PROSER1: variants seen among roughly 807,000 people sequenced by gnomAD.
PROSER1 encodes the protein proline and serine rich 1, also known as proline and serine-rich protein 1.
In PROSER1, 36 loss-of-function variants were observed where a neutral mutation model predicts 71.8. The observed-to-expected ratio is 0.50, with a 90% CI of 0.38 to 0.66. The LOEUF is 0.66. PROSER1 is among the 30% of genes least tolerant of loss of function. The pLI is 0.00. For missense variants in PROSER1, 1,107 were observed against 1,135.0 expected (o/e 0.98, Z 0.35); for synonymous variants, 490 against 452.4 (o/e 1.08, Z -1.06).
chr13:39,029,891 CTTATTTTAATTTAA>C (rs1392714946), intron 3 of PROSER1, among the ~76,000 whole-genome samples: 1 of 152,080 alleles, frequency 6.6e-6, no homozygotes, highest in Non-Finnish European at 1.5e-5. Flanking sequence ...AACTTTAAGT[CTTATTTTAATTTAA>C]TGTGCATTGT....
In PROSER1 at chr13:39,015,665, G is replaced by A. The variant is rs1162200180; in HGVS notation, c.776-1189C>T. Among the ~76,000 whole-genome samples the A allele has an allele frequency of 2.0e-5, 3 of 151,914 alleles. No homozygotes were observed. In the East Asian group the frequency reaches 5.8e-4, roughly 29 times the overall value. On this transcript the variant is annotated intron_variant, in intron 10 of 12. Coordinates refer to ENST00000352251, the MANE Select transcript of PROSER1 (RefSeq NM_025138.5). ...TGTGAAGGCCAAGGGGTGTCACATTGGGCTGAACAAATTTTGTAGTTGTTT... is the reference window on the plus strand; with the variant it reads ...TGTGAAGGCCAAGGGGTGTCACATTAGGCTGAACAAATTTTGTAGTTGTTT...
In PROSER1 at chr13:39,029,247, T is replaced by TAAA. The variant is rs34146778; in HGVS notation, c.275+31_275+33dup. The TAAA allele has an allele frequency of 3.4e-3, 2,525 of 742,182 alleles. 15 individuals carry two copies. The highest frequency in any genetic ancestry group is 0.011 in the African/African-American group (363 of 34,380). 46.0% of individuals were successfully genotyped at this position (742,182 alleles called of 1,614,324 possible). On this transcript the variant is annotated intron_variant, in intron 4 of 12. Coordinates refer to ENST00000352251, the MANE Select transcript of PROSER1 (RefSeq NM_025138.5). ...AAACGCTTCTACATTTTTTCCCAAG[T>TAAA]AAAAAAAAAAAAAAAAAAAAAAGAA...
In PROSER1 at chr13:39,025,039, T is replaced by A. The variant is rs867625702; in HGVS notation, c.481-483A>T. Among the ~76,000 whole-genome samples the A allele has an allele frequency of 1.5e-4, 23 of 152,198 alleles. 1 individual carries two copies. The highest frequency in any genetic ancestry group is 1.5e-5 in the Non-Finnish European group (1 of 68,032). On this transcript the variant is annotated intron_variant, in intron 6 of 12. Coordinates refer to ENST00000352251, the MANE Select transcript of PROSER1 (RefSeq NM_025138.5). ...ATTGTTTTACTGTATTATTGCTTTTTTTCGGAATACAGTATGTTCTGATTT... is the reference window on the plus strand; with the variant it reads ...ATTGTTTTACTGTATTATTGCTTTTATTCGGAATACAGTATGTTCTGATTT...
Position 39,014,330 on chromosome 13 carries a change from G to A in PROSER1, c.922C>T (p.Leu308=). 1 of 1,614,150 alleles carries A rather than the reference G, an allele frequency of 6.2e-7. No homozygotes were observed. Residue 308 remains leucine (L), a synonymous_variant, in exon 11 of 13, where the codon CTG becomes TTG. Coordinates refer to ENST00000352251, the MANE Select transcript of PROSER1 (RefSeq NM_025138.5). The part of the protein sequence containing the change: ...SAAATVSGMN[L]LNTVLPVFPG... ...AACACAGGAAGGACAGTATTCAGCAGGTTCATTCCAGAAACGGTGGCAGCT... is the reference window on the plus strand; with the variant it reads ...AACACAGGAAGGACAGTATTCAGCAAGTTCATTCCAGAAACGGTGGCAGCT...
At position 39,014,373 on chromosome 13, in the gene PROSER1, A is replaced by G. The variant is rs1869897704; in HGVS notation, c.879T>C (p.Asn293=). 2 of 1,613,950 alleles carry G rather than the reference A, an allele frequency of 1.2e-6. No individual in the cohort carries two copies. The highest frequency in any genetic ancestry group is 1.7e-6 in the Non-Finnish European group (2 of 1,180,028). ...TGGCAGCTGCTGATGCTGATGGATG[A>G]TTAATTGCCTTGACTGGGGATGCAG... ...VPTASPVKAI[N]HPSASAAATV... is the part of the protein sequence containing the mutation. The change falls in exon 11 of 13, where the codon AAT becomes AAC. Residue 293 remains asparagine (N), a synonymous_variant. Transcript: ENST00000352251.
intron 5 of PROSER1, 76 bp downstream of exon 5, chr13:39,028,148 TAAG>T: frequency 2.8e-6 from 2 of 726,326 alleles, no homozygotes; most frequent in Non-Finnish European, 4.9e-6. Flanking sequence ...CCAAAGTTAG[TAAG>T]AAGAAAGGTG....
chr13:39,029,407 C>T lies in PROSER1; in HGVS notation c.181-32G>A, dbSNP rs761788769. ...ATATAAAAAATAATTTTATTTTTAACGTGAAATTTTCATGCCAGAAATTAC... is the reference window on the plus strand; with the variant it reads ...ATATAAAAAATAATTTTATTTTTAATGTGAAATTTTCATGCCAGAAATTAC... On this transcript the variant is annotated intron_variant, in intron 3 of 12. Coordinates refer to ENST00000352251, the MANE Select transcript of PROSER1 (RefSeq NM_025138.5). 1.5e-5 allele frequency: 19 copies of T among 1,260,934 alleles called. No homozygotes were observed. The South Asian group carries it at 1.6e-4, about 10-fold the overall frequency. 78.1% of individuals were successfully genotyped at this position (1,260,934 alleles called of 1,614,324 possible). A position where few individuals can be genotyped will look rare whatever the true frequency, so the allele number is the denominator to read the frequency against.
chr13:39,036,957 G>A (rs936752779), intron 1 of PROSER1, among the ~76,000 whole-genome samples: 1 of 152,088 alleles, frequency 6.6e-6, no homozygotes, highest in Non-Finnish European at 1.5e-5. Context: ...GGAACCGAGG[G>A]CTTTACAAAT....
Position 39,014,301 on chromosome 13 carries a change from T to C in PROSER1, c.951A>G (p.Pro317=), listed in dbSNP as rs763340101. 6.2e-7 allele frequency: 1 copy of C among 1,614,114 alleles called. No individual in the cohort carries two copies. Among genetic ancestry groups the C allele is most frequent in the Non-Finnish European group, 8.5e-7 (1 of 1,180,024 alleles). Residue 317 remains proline (P), a synonymous_variant, in exon 11 of 13, where the codon CCA becomes CCG. Coordinates refer to ENST00000352251, the MANE Select transcript of PROSER1 (RefSeq NM_025138.5). ...TGTGAACGGCTGAGGAGACCTGCCC[T>C]GGGAACACAGGAAGGACAGTATTCA... The part of the protein sequence containing the change: ...NLLNTVLPVF[P]GQVSSAVHTP...
At chr13:39,016,138 GCA>G (rs1212536872) in intron 10 of PROSER1, among the ~76,000 whole-genome samples, 1 of 152,084 alleles carries the variant, frequency 6.6e-6, no homozygotes, top group Non-Finnish European at 1.5e-5. Flanking sequence ...CATAGCACTT[GCA>G]GGTAAAAATG....
chr13:39,036,269 C>T (rs1355414300), intron 1 of PROSER1, among the ~76,000 whole-genome samples: 4 of 152,054 alleles, frequency 2.6e-5, no homozygotes, highest in Non-Finnish European at 5.9e-5. Flanking sequence ...AACTTAAACA[C>T]GTCAATTTGA....
At position 39,037,711 on chromosome 13, in the gene PROSER1, C is replaced by T. The variant is rs978579365; in HGVS notation, c.-469G>A. 2 of 152,822 alleles carry T rather than the reference C, an allele frequency of 1.3e-5. No homozygotes were observed. Among genetic ancestry groups the T allele is most frequent in the Admixed American group, 6.5e-5 (1 of 15,304 alleles). The allele number at this position is 152,822 out of a possible 1,614,324, so 9.5% of individuals were successfully genotyped here. A position where few individuals can be genotyped will look rare whatever the true frequency, so the allele number is the denominator to read the frequency against. ...GGCGGGGAGGGAGGCGCCGGTCTCT[C>T]GACCCGCACCTGCGCCTCGGCCGCC... is the stretch of plus-strand genomic sequence containing the variant. On this transcript the variant is annotated 5_prime_UTR_variant, in exon 1 of 13. Transcript: ENST00000352251.
chr13:39,026,211 T>A (rs1870537663), intron 6 of PROSER1, 66 bp downstream of exon 6: 1 of 1,002,380 alleles, frequency 1.0e-6, no homozygotes, highest in Non-Finnish European at 1.5e-6. Context: ...TAAATATCAT[T>A]AACTTATTCT....
chr13:39,018,473 GACACACACACACACACAC>G (rs56659534), intron 9 of PROSER1, among the ~76,000 whole-genome samples: 5 of 120,202 alleles, frequency 4.2e-5, no homozygotes, highest in South Asian at 2.8e-4. Context: ...TTTAAAACCC[GACACACACACACACACAC>G]ACACACACAC....
In PROSER1 at chr13:39,012,807, G is replaced by A. The variant is rs753787902; in HGVS notation, c.2445C>T (p.Val815=). ...CCACAGGTAGTGGTGTGACAGCTGC[G>A]ACTGTAGAGGGCGCCTGCAGCCCCG... The part of the protein sequence containing the change: ...SFPGLQAPST[V]AAVTPLPVAA... The change falls in exon 11 of 13, where the codon GTC becomes GTT. Residue 815 remains valine (V), a synonymous_variant. Transcript: ENST00000352251. 1.4e-5 allele frequency: 23 copies of A among 1,614,032 alleles called. No individual in the cohort carries two copies. The highest frequency in any genetic ancestry group is 5.3e-5 in the African/African-American group (4 of 74,930).
Position 39,013,184 on chromosome 13 carries a change from T to C in PROSER1, c.2068A>G (p.Ile690Val), listed in dbSNP as rs1247233021. 1 of 1,613,846 alleles carries C rather than the reference T, an allele frequency of 6.2e-7. No homozygotes were observed. Among genetic ancestry groups the C allele is most frequent in the Non-Finnish European group, 8.5e-7 (1 of 1,179,918 alleles). The change falls in exon 11 of 13, where the codon ATT becomes GTT. Residue 690 changes from isoleucine to valine, a missense_variant. Physicochemically the swap from Ile to Val is conservative, Grantham distance 29. Coordinates refer to ENST00000352251, the MANE Select transcript of PROSER1 (RefSeq NM_025138.5). ...SLPPHGSSTP[I>V]APVFTALPSF... Reference sequence around the variant, plus strand: ...GGAAGAGCAGTGAATACTGGTGCAATGGGAGTGGAGGAACCATGTGGTGGA... The same window carrying C: ...GGAAGAGCAGTGAATACTGGTGCAACGGGAGTGGAGGAACCATGTGGTGGA...
At position 39,012,193 on chromosome 13, in the gene PROSER1, GAAA is replaced by G. The variant is rs1869697628; in HGVS notation, c.2599_2601del (p.Phe867del). ...ATACCCGGGAGGGACAAAAGGCCTG[GAAA>G]AACAGAACTGCCTGCAGCTTGAAGT... On this transcript the variant is annotated inframe_deletion, in exon 12 of 13. Transcript: ENST00000352251. The G allele has an allele frequency of 6.2e-7, 1 of 1,614,106 alleles. No homozygotes were observed. The highest frequency in any genetic ancestry group is 8.5e-7 in the Non-Finnish European group (1 of 1,180,012).
At chr13:39,027,156 C>T in intron 5 of PROSER1, among the ~76,000 whole-genome samples, 1 of 151,948 alleles carries the variant, frequency 6.6e-6, no homozygotes, top group East Asian at 1.9e-4. Flanking sequence ...TTATAAATCC[C>T]TTCACAACAC....
At position 39,023,123 on chromosome 13, in the gene PROSER1, G is replaced by A. The variant is rs1312475617; in HGVS notation, c.572C>T (p.Ser191Leu). 1 of 1,612,010 alleles carries A rather than the reference G, an allele frequency of 6.2e-7. No homozygotes were observed. Among genetic ancestry groups the A allele is most frequent in the South Asian group, 1.1e-5 (1 of 90,968 alleles). ...RILGPSKPPP[S>L]TYNPHKPVPY... ...AACAGGTTTATGTGGATTATATGTT[G>A]AAGGAGGCTAAAACATGGGGGAAAA... The change falls in exon 8 of 13, where the codon TCA (serine) becomes TTA (leucine). Residue 191 changes from serine to leucine, a missense_variant. Transcript: ENST00000352251.
Sources: gnomAD v4.1 joint callset for allele counts (sites outside exome capture counted in the v4.1 genomes callset) on GRCh38, gnomAD v4.1.1 for gene constraint, MANE v1.5 for transcripts, NCBI Gene and HGNC (gene_info 2026-07-23, HGNC 2026-07-21) for gene names.